The following ATG2B variants were observed in gnomAD, a reference collection of about 807,000 sequenced individuals.
The protein encoded by ATG2B is autophagy-related protein 2 homolog B.
Under a neutral mutation model 241.3 loss-of-function variants are expected in ATG2B, and 121 were observed. That is an observed-to-expected ratio of 0.50 (90% CI 0.43 to 0.58). The LOEUF is 0.58. Ranked by LOEUF, ATG2B falls within the 20% of genes least tolerant of loss-of-function variation. The pLI is 0.00. For missense variants in ATG2B, 2,306 were observed against 2,491.6 expected, an observed-to-expected ratio of 0.93 and a Z score of 1.59; for synonymous variants, 858 against 876.6, an observed-to-expected ratio of 0.98 and a Z score of 0.37.
In ATG2B at chr14:96,280,623, C is replaced by T. The variant is rs1284251643; in HGVS notation, c.*5132G>A. 1 of 152,160 alleles carries T rather than the reference C, an allele frequency of 6.6e-6. No individual in the cohort carries two copies. Among genetic ancestry groups the T allele is most frequent in the Non-Finnish European group, 1.5e-5 (1 of 68,042 alleles). The allele number at this position is 152,160 out of a possible 1,614,324, so 9.4% of individuals were successfully genotyped here. ...GTATGTCTGGCCAGGCACGGTGGCT[C>T]ATGCCTGTAATCCCAGCATTTTTGG... On this transcript the variant is annotated 3_prime_UTR_variant, in exon 42 of 42. Transcript: ENST00000359933.
In ATG2B at chr14:96,328,465, C is replaced by G; in HGVS notation, c.2045G>C (p.Cys682Ser). 6.2e-7 allele frequency: 1 copy of G among 1,612,938 alleles called. No individual in the cohort carries two copies. The highest frequency in any genetic ancestry group is 8.5e-7 in the Non-Finnish European group (1 of 1,179,702). ...GTCCACAATACTGATATCCAGCTCACAACACACTGGATTTAATTTAATTTG... is the reference window on the plus strand; with the variant it reads ...GTCCACAATACTGATATCCAGCTCAGAACACACTGGATTTAATTTAATTTG... ...ELQIKLNPVCCELDISIVDRL... is the reference protein window; with the variant it reads ...ELQIKLNPVCSELDISIVDRL... The change falls in exon 14 of 42, where the codon TGT (cysteine) becomes TCT (serine). Residue 682 changes from cysteine to serine, a missense_variant. By Grantham distance (112) the Cys-to-Ser change is moderately radical. Around this residue, in one of 2 missense-constraint regions of ATG2B, gnomAD observed 1,927 missense variants for 2,011.2 expected, o/e 0.96. Transcript: ENST00000359933.
intron 1 of ATG2B, among the ~76,000 whole-genome samples, chr14:96,349,502 T>C (rs755529952): frequency 1.3e-5 from 2 of 152,170 alleles, no homozygotes; most frequent in Non-Finnish European, 2.9e-5. Flanking sequence ...AAGGCTGTTA[T>C]GAGTAATAGA....
At chr14:96,331,335 T>C in intron 11 of ATG2B, 41 bp downstream of exon 11, 3 of 1,550,128 alleles carry the variant, frequency 1.9e-6, no homozygotes, top group Non-Finnish European at 2.6e-6. Flanking sequence ...TTAGCATATG[T>C]GGAAGTTTAA....
chr14:96,360,755 G>A (rs11160334), intron 1 of ATG2B, among the ~76,000 whole-genome samples: 144,562 of 152,108 alleles, frequency 0.95, 69,218 homozygotes, highest in Non-Finnish European at 0.99. Context: ...ATTAGGATCT[G>A]TGAATCTCCG....
At position 96,284,756 on chromosome 14, in the gene ATG2B, A is replaced by G. The variant is rs1210542554; in HGVS notation, c.*999T>C. On this transcript the variant is annotated 3_prime_UTR_variant, in exon 42 of 42. Transcript: ENST00000359933. ...AAGCATAAAACAATATCACCTTTAA[A>G]TAAAAATACTTTATTCATTCCTGAT... The G allele has an allele frequency of 2.0e-5, 3 of 152,250 alleles. No homozygotes were observed. The highest frequency in any genetic ancestry group is 7.2e-5 in the African/African-American group (3 of 41,464). The allele number at this position is 152,250 out of a possible 1,614,324, so 9.4% of individuals were successfully genotyped here. A position where few individuals can be genotyped will look rare whatever the true frequency, so the allele number is the denominator to read the frequency against.
Position 96,362,826 on chromosome 14 carries a change from AGGGGACCT to A in ATG2B, c.143_150del (p.Gln48LeufsTer8). 6.2e-7 allele frequency: 1 copy of A among 1,607,512 alleles called. No homozygotes were observed. The highest frequency in any genetic ancestry group is 8.5e-7 in the Non-Finnish European group (1 of 1,176,208). On this transcript the variant is annotated frameshift_variant, in exon 1 of 42. Coordinates refer to ENST00000359933, the MANE Select transcript of ATG2B (RefSeq NM_018036.7). LOFTEE classifies it high-confidence loss of function. ...CCGGCAGCTCTTACCCATTTGTCCAAGGGGACCTGGGCGAGGGACCCGGTGCCTTGGTA... is the reference window on the plus strand; with the variant it reads ...CCGGCAGCTCTTACCCATTTGTCCAAGGGCGAGGGACCCGGTGCCTTGGTA...
chr14:96,294,841 T>C (rs1402074532), intron 36 of ATG2B, 119 bp downstream of exon 36: 13 of 806,938 alleles, frequency 1.6e-5, no homozygotes, highest in Middle Eastern at 3.6e-4. Context: ...CACCAGCTGA[T>C]GATTTGGCAG....
At chr14:96,342,310 G>A (rs145698347) in intron 5 of ATG2B, among the ~76,000 whole-genome samples, 5 of 152,142 alleles carry the variant, frequency 3.3e-5, no homozygotes, top group African/African-American at 1.2e-4. Context: ...CTCCCACAAG[G>A]TCAGGAAAAT....
At chr14:96,348,317 T>C (rs543200767) in intron 1 of ATG2B, among the ~76,000 whole-genome samples, 1 of 152,174 alleles carries the variant, frequency 6.6e-6, no homozygotes, top group Non-Finnish European at 1.5e-5. Context: ...AGCAGAAGGA[T>C]GGTTACCAGA....
chr14:96,301,227 C>A (rs1449608597), intron 34 of ATG2B, among the ~76,000 whole-genome samples: 1 of 152,158 alleles, frequency 6.6e-6, no homozygotes, highest in East Asian at 1.9e-4. Flanking sequence ...CATTATGATA[C>A]ACATATTACT....
At chr14:96,356,928 A>T (rs1042188780) in intron 1 of ATG2B, among the ~76,000 whole-genome samples, 9 of 152,188 alleles carry the variant, frequency 5.9e-5, no homozygotes, top group Non-Finnish European at 8.8e-5. Context: ...CAGTATATAG[A>T]GATGGAAGGT....
Position 96,285,742 on chromosome 14 carries a change from C to T in ATG2B, c.*13G>A. 6.2e-7 allele frequency: 1 copy of T among 1,612,156 alleles called. No homozygotes were observed. The highest frequency in any genetic ancestry group is 8.5e-7 in the Non-Finnish European group (1 of 1,178,932). The stretch of plus-strand genomic sequence containing the variant: ...TCCACTCTCCTTATCTTCACACTGT[C>T]AGTTCCAAGCCATCAGTCATCCCCG... On this transcript the variant is annotated 3_prime_UTR_variant, in exon 42 of 42. Coordinates refer to ENST00000359933, the MANE Select transcript of ATG2B (RefSeq NM_018036.7). This position sits in a 1 kb window ranked among gnomAD's most constrained non-coding sequence, Gnocchi z 4.2.
chr14:96,332,592 G>C lies in ATG2B; in HGVS notation c.1271C>G (p.Pro424Arg). Residue 424 changes from proline to arginine, a missense_variant, in exon 9 of 42, where the codon CCC becomes CGC. Physicochemically the swap from Pro to Arg is moderately radical, Grantham distance 103. Coordinates refer to ENST00000359933, the MANE Select transcript of ATG2B (RefSeq NM_018036.7). ...DMSHSLSSLP[P>R]LGDPPNMDLE... ...GTCCATGTTTGGGGGGTCCCCAAGG[G>C]GTGGAAGAGAAGAGAGACTATGAGA... The C allele has an allele frequency of 6.2e-7, 1 of 1,609,456 alleles. No individual in the cohort carries two copies. Among genetic ancestry groups the C allele is most frequent in the Middle Eastern group, 1.7e-4 (1 of 6,038 alleles).
At chr14:96,324,088 A>G (rs1010711737) in intron 15 of ATG2B, 90 bp from the exon 16 acceptor site, 7 of 816,826 alleles carry the variant, frequency 8.6e-6, no homozygotes, top group African/African-American at 1.7e-5. Flanking sequence ...AATCAGGAAC[A>G]TAATGCAACC....
intron 6 of ATG2B, among the ~76,000 whole-genome samples, chr14:96,335,374 A>C (rs1887843016): frequency 6.6e-6 from 1 of 152,204 alleles, no homozygotes; most frequent in African/African-American, 2.4e-5. Context: ...AAACAAACAA[A>C]AAATCAAATA....
intron 1 of ATG2B, among the ~76,000 whole-genome samples, chr14:96,360,829 C>G (rs1466428615): frequency 6.7e-6 from 1 of 148,688 alleles, no homozygotes; most frequent in African/African-American, 2.5e-5. Flanking sequence ...TCCTATGGCT[C>G]ATGCCTGTAA....
At chr14:96,286,580 T>C (rs945265614) in intron 41 of ATG2B, among the ~76,000 whole-genome samples, 3 of 152,194 alleles carry the variant, frequency 2.0e-5, no homozygotes, top group Non-Finnish European at 4.4e-5. Context: ...CACAACATAA[T>C]AAAATAATGA....
At chr14:96,318,289 C>G (rs1456012765) in intron 18 of ATG2B, 1 of 153,374 alleles carries the variant, frequency 6.5e-6, no homozygotes, top group Non-Finnish European at 1.5e-5. Context: ...CACTGACCCT[C>G]CCCTCAGTCC....
chr14:96,335,119 A>C (rs1482335196), intron 6 of ATG2B, among the ~76,000 whole-genome samples: 1 of 152,152 alleles, frequency 6.6e-6, no homozygotes, highest in Non-Finnish European at 1.5e-5. Flanking sequence ...TCTAGAAATA[A>C]AAGCTCCATC....
Sources: allele counts gnomAD v4.1 joint callset (sites outside exome capture counted in the v4.1 genomes callset), GRCh38; gene constraint gnomAD v4.1.1; regional missense constraint gnomAD v4.1.1; non-coding constraint Gnocchi (gnomAD v3.1); transcripts MANE v1.5; gene names NCBI Gene and HGNC (gene_info 2026-07-23, HGNC 2026-07-21).